Variants in INVS observed in about 807,000 individuals in gnomAD.
INVS encodes the protein inversin.
A neutral mutation model predicts 108.8 loss-of-function variants in INVS; 86 were observed. That is an observed-to-expected ratio of 0.79 (90% CI 0.66 to 0.95). The LOEUF is 0.95. Among genes scored for constraint, INVS ranks in the 40% least tolerant of loss-of-function variants. The pLI is 0.00. For missense variants in INVS, 1,169 were observed against 1,297.4 expected, an observed-to-expected ratio of 0.90 and a Z score of 1.52; for synonymous variants, 455 against 473.5, an observed-to-expected ratio of 0.96 and a Z score of 0.51.
chr9:100,170,409 AAAT>A (rs913490850), intron 3 of INVS, among the ~76,000 whole-genome samples: 15 of 121,666 alleles, frequency 1.2e-4, no homozygotes, highest in East Asian at 8.7e-4. Context: ...AAAAAAAAAA[AAAT>A]TTAAATTAGC....
intron 3 of INVS, among the ~76,000 whole-genome samples, chr9:100,209,565 T>G (rs995263124): frequency 1.3e-4 from 20 of 152,122 alleles, no homozygotes; most frequent in Middle Eastern, 3.4e-3. Context: ...GGTCAGGAGA[T>G]CGAGACCATC....
intron 5 of INVS, among the ~76,000 whole-genome samples, chr9:100,233,431 G>T (rs1335526349): frequency 6.6e-6 from 1 of 152,148 alleles, no homozygotes; most frequent in African/African-American, 2.4e-5. Flanking sequence ...GTGAGAGAGG[G>T]TATCCTTGTC....
At chr9:100,200,636 T>C (rs1830507587) in intron 3 of INVS, among the ~76,000 whole-genome samples, 1 of 152,220 alleles carries the variant, frequency 6.6e-6, no homozygotes, top group Non-Finnish European at 1.5e-5. Flanking sequence ...GAACTCAAAC[T>C]CCAAATTCTA....
At chr9:100,227,359 T>C (rs1435706949) in intron 4 of INVS, among the ~76,000 whole-genome samples, 1 of 152,208 alleles carries the variant, frequency 6.6e-6, no homozygotes, top group East Asian at 1.9e-4. Flanking sequence ...ATGTGACAGA[T>C]GAGCTTGGTT....
chr9:100,291,651 C>T lies in INVS; in HGVS notation c.2069-675C>T, dbSNP rs117960472. ...ATCCTGGGATATCTCCATCCTAAGACCAGTTTTTATAGTAATATCTCCTAT... is the reference window on the plus strand; with the variant it reads ...ATCCTGGGATATCTCCATCCTAAGATCAGTTTTTATAGTAATATCTCCTAT... On this transcript the variant is annotated intron_variant, in intron 13 of 16. Transcript: ENST00000262457. Among the ~76,000 whole-genome samples the T allele has an allele frequency of 5.9e-3, 892 of 152,198 alleles. 4 individuals carry two copies. The highest frequency in any genetic ancestry group is 0.014 in the Middle Eastern group (4 of 294).
At chr9:100,181,410 C>T (rs1374591616) in intron 3 of INVS, among the ~76,000 whole-genome samples, 1 of 152,198 alleles carries the variant, frequency 6.6e-6, no homozygotes. Flanking sequence ...TGATAAGCAA[C>T]TTCAGCAAAG....
intron 1 of INVS, 50 bp from the exon 2 acceptor site, chr9:100,104,448 G>A (rs1168927970): frequency 3.0e-6 from 3 of 988,776 alleles, no homozygotes; most frequent in African/African-American, 3.2e-5. Context: ...GATGAGACAG[G>A]TTTCAGAAAT....
intron 3 of INVS, among the ~76,000 whole-genome samples, chr9:100,218,888 T>C (rs1362800204): frequency 6.6e-6 from 1 of 152,046 alleles, no homozygotes; most frequent in Non-Finnish European, 1.5e-5. Context: ...AGGAGATCTG[T>C]GTAGGAGCAG....
chr9:100,213,877 A>G (rs559087488), intron 3 of INVS, among the ~76,000 whole-genome samples: 1 of 152,134 alleles, frequency 6.6e-6, no homozygotes, highest in African/African-American at 2.4e-5. Flanking sequence ...CAACCCTGAA[A>G]AATTACCTAA....
At position 100,300,762 on chromosome 9, in the gene INVS, G is replaced by A; in HGVS notation, c.*88G>A. 1 of 924,018 alleles carries A rather than the reference G, an allele frequency of 1.1e-6. No individual in the cohort carries two copies. Among genetic ancestry groups the A allele is most frequent in the Non-Finnish European group, 1.7e-6 (1 of 574,886 alleles). 57.2% of individuals were successfully genotyped at this position (924,018 alleles called of 1,614,324 possible). On this transcript the variant is annotated 3_prime_UTR_variant, in exon 17 of 17. Coordinates refer to ENST00000262457, the MANE Select transcript of INVS (RefSeq NM_014425.5). ...CTGCTGATAATCTTTTACACCTTGG[G>A]AAAACTTTAATATCCGTACCTGAAG...
Position 100,300,719 on chromosome 9 carries a change from G to A in INVS, c.*45G>A, listed in dbSNP as rs1481874573. On this transcript the variant is annotated 3_prime_UTR_variant, in exon 17 of 17. Transcript: ENST00000262457. ...GTGTTCGGGGGAGCTGGCATAGCTA[G>A]TGCAGAGTTCAGATTTTCTGCTGAT... 16 of 1,333,212 alleles carry A rather than the reference G, an allele frequency of 1.2e-5. No homozygotes were observed. The highest frequency in any genetic ancestry group is 1.5e-5 in the Non-Finnish European group (14 of 929,192). 82.6% of individuals were successfully genotyped at this position (1,333,212 alleles called of 1,614,324 possible). A position where few individuals can be genotyped will look rare whatever the true frequency, so the allele number is the denominator to read the frequency against.
chr9:100,238,949 T>C (rs1831778139), intron 5 of INVS, among the ~76,000 whole-genome samples: 1 of 152,262 alleles, frequency 6.6e-6, no homozygotes, highest in South Asian at 2.1e-4. Context: ...GAAATGTCTT[T>C]CATAACCATA....
chr9:100,241,626 C>A (rs1415954151), intron 6 of INVS, among the ~76,000 whole-genome samples: 1 of 152,138 alleles, frequency 6.6e-6, no homozygotes, highest in Non-Finnish European at 1.5e-5. Flanking sequence ...GTAGTCCTTA[C>A]TGAATTTTTC....
chr9:100,158,300 G>T (rs1829066366), intron 3 of INVS, among the ~76,000 whole-genome samples: 2 of 152,078 alleles, frequency 1.3e-5, no homozygotes, highest in Admixed American at 1.3e-4. Context: ...AATGCAAAAA[G>T]CTTTAGCACT....
At position 100,104,557 on chromosome 9, in the gene INVS, A is replaced by C; in HGVS notation, c.36A>C (p.Ser12=). The change falls in exon 2 of 17, where the codon TCA becomes TCC. Residue 12 remains serine, a synonymous_variant. Transcript: ENST00000262457. ...NKSENLLFAG[S]SLASQVHAAA... ...CAGAGAACCTGCTGTTTGCTGGTTCATCATTAGCATCACAAGTCCATGCTG... is the reference window on the plus strand; with the variant it reads ...CAGAGAACCTGCTGTTTGCTGGTTCCTCATTAGCATCACAAGTCCATGCTG... 1 of 1,614,198 alleles carries C rather than the reference A, an allele frequency of 6.2e-7. No individual in the cohort carries two copies. Among genetic ancestry groups the C allele is most frequent in the Non-Finnish European group, 8.5e-7 (1 of 1,180,006 alleles).
intron 3 of INVS, among the ~76,000 whole-genome samples, chr9:100,157,237 T>G (rs960780558): frequency 6.6e-6 from 1 of 150,902 alleles, no homozygotes; most frequent in Non-Finnish European, 1.5e-5. Context: ...TTGCAAAAAT[T>G]TAAAGAAATA....
intron 8 of INVS, among the ~76,000 whole-genome samples, chr9:100,250,275 C>G (rs1022678622): frequency 1.3e-5 from 2 of 152,080 alleles, no homozygotes; most frequent in African/African-American, 4.8e-5. Context: ...ATAGCTCTCA[C>G]CCAGCTTCAA....
At chr9:100,262,202 TGCAAGGTTTTGGTA>T (rs941189526) in intron 10 of INVS, among the ~76,000 whole-genome samples, 5 of 151,452 alleles carry the variant, frequency 3.3e-5, no homozygotes, top group African/African-American at 1.2e-4. Flanking sequence ...GTATTATAGT[TGCAAGGTTTTGGTA>T]GCAAGGTAAG....
intron 1 of INVS, among the ~76,000 whole-genome samples, chr9:100,100,196 A>T (rs1304475653): frequency 6.6e-6 from 1 of 152,026 alleles, no homozygotes; most frequent in Non-Finnish European, 1.5e-5. Flanking sequence ...ATAAAAAATG[A>T]TTTATTTTCT....
Sources: allele counts gnomAD v4.1 joint callset (sites outside exome capture counted in the v4.1 genomes callset), GRCh38; gene constraint gnomAD v4.1.1; transcripts MANE v1.5; gene names NCBI Gene and HGNC (gene_info 2026-07-23, HGNC 2026-07-21).